Variants in DSCAML1 observed in about 807,000 individuals in gnomAD.
The protein encoded by DSCAML1 is cell adhesion molecule DSCAML1.
A neutral mutation model predicts 200.5 loss-of-function variants in DSCAML1; 38 were observed. The observed-to-expected ratio is 0.19, with a 90% confidence interval of 0.15 to 0.25. The LOEUF is 0.25. Among genes scored for constraint, DSCAML1 ranks in the 10% least tolerant of loss-of-function variants. The pLI is 1.00. For missense variants in DSCAML1, 2,223 were observed against 2,858.8 expected, an observed-to-expected ratio of 0.78 and a Z score of 5.07; for synonymous variants, 1,215 against 1,165.0, an observed-to-expected ratio of 1.04 and a Z score of -0.87.
intron 3 of DSCAML1, among the ~76,000 whole-genome samples, chr11:117,651,714 A>C (rs2052636687): frequency 1.5e-5 from 2 of 133,464 alleles, no homozygotes; most frequent in Admixed American, 7.1e-5. Flanking sequence ...TCTGTCTCAA[A>C]AAAAAAAAAA....
chr11:117,533,089 A>G (rs2137346263), intron 3 of DSCAML1, among the ~76,000 whole-genome samples: 1 of 152,304 alleles, frequency 6.6e-6, no homozygotes, highest in South Asian at 2.1e-4. Context: ...GCAGTGAGCC[A>G]TGATCACACC....
intron 3 of DSCAML1, among the ~76,000 whole-genome samples, chr11:117,574,463 C>A (rs573835816): frequency 4.6e-5 from 7 of 152,330 alleles, no homozygotes; most frequent in Non-Finnish European, 8.8e-5. Context: ...TTCTGCAAAT[C>A]ACCTACTCTC....
At chr11:117,750,124 T>A (rs2137864943) in intron 3 of DSCAML1, among the ~76,000 whole-genome samples, 1 of 152,246 alleles carries the variant, frequency 6.6e-6, no homozygotes, top group South Asian at 2.1e-4. Context: ...TCGGGAAATG[T>A]TGGGTAAAGG....
chr11:117,745,711 T>C (rs1001087938), intron 3 of DSCAML1, among the ~76,000 whole-genome samples: 3 of 152,186 alleles, frequency 2.0e-5, no homozygotes, highest in Non-Finnish European at 4.4e-5. Context: ...CTCGTTATGC[T>C]ACGTCAGCTC....
intron 3 of DSCAML1, among the ~76,000 whole-genome samples, chr11:117,767,979 T>G (rs1029706534): frequency 6.6e-6 from 1 of 152,162 alleles, no homozygotes; most frequent in African/African-American, 2.4e-5. Flanking sequence ...ACTCCTCTTC[T>G]GCCTGCACAA....
chr11:117,544,806 T>C (rs2050340618), intron 3 of DSCAML1, among the ~76,000 whole-genome samples: 1 of 152,162 alleles, frequency 6.6e-6, no homozygotes, highest in South Asian at 2.1e-4. Context: ...TTGGACTGAA[T>C]TGTTTCCCCC....
chr11:117,462,293 G>T (rs985273469), intron 17 of DSCAML1, among the ~76,000 whole-genome samples: 1 of 151,876 alleles, frequency 6.6e-6, no homozygotes, highest in African/African-American at 2.4e-5. Context: ...TCTCCCGCCA[G>T]TCACACTCTC....
In DSCAML1 at chr11:117,566,154, A is replaced by G. The variant is rs1372495684; in HGVS notation, c.512-33632T>C. ...TTATCACCATCATCATCTCTGTTTA[A>G]TAGATGAGGGGACGGAGACCTATAG... is the stretch of plus-strand genomic sequence containing the variant. On this transcript the variant is annotated intron_variant, in intron 3 of 32. Coordinates refer to ENST00000651296, the MANE Select transcript of DSCAML1 (RefSeq NM_020693.4). Among the ~76,000 whole-genome samples, 3 of 152,304 alleles carry G rather than the reference A, an allele frequency of 2.0e-5. No individual in the cohort carries two copies. The East Asian group carries it at 5.8e-4, about 29-fold the overall frequency.
rs2049456274 is a variant in DSCAML1, at chr11:117,504,569, G to T, written c.2182+355C>A. Among the ~76,000 whole-genome samples the T allele has an allele frequency of 6.6e-6, 1 of 152,188 alleles. No individual in the cohort carries two copies. The highest frequency in any genetic ancestry group is 1.5e-5 in the Non-Finnish European group (1 of 68,028). On this transcript the variant is annotated intron_variant, in intron 10 of 32. Coordinates refer to ENST00000651296, the MANE Select transcript of DSCAML1 (RefSeq NM_020693.4). The surrounding 1 kb of genome is among the most constrained non-coding windows in gnomAD (Gnocchi z 5.0). ...CAAGAAGGACCCTGACCCCAGAAAAGGTTGACTGGTGAGAAGCAGGGGGCT... is the reference window on the plus strand; with the variant it reads ...CAAGAAGGACCCTGACCCCAGAAAATGTTGACTGGTGAGAAGCAGGGGGCT...
At chr11:117,467,014 C>T (rs938559440) in intron 16 of DSCAML1, among the ~76,000 whole-genome samples, 5 of 152,104 alleles carry the variant, frequency 3.3e-5, no homozygotes, top group Non-Finnish European at 7.4e-5. Flanking sequence ...GATGGAGGCA[C>T]AGAGATGGCA....
intron 11 of DSCAML1, among the ~76,000 whole-genome samples, chr11:117,493,162 G>C (rs1031235099): frequency 4.6e-5 from 7 of 152,180 alleles, no homozygotes; most frequent in Non-Finnish European, 5.9e-5. Context: ...TGGGGGTCCA[G>C]TTGAGGCCCT....
intron 3 of DSCAML1, among the ~76,000 whole-genome samples, chr11:117,672,026 G>C (rs922508858): frequency 6.7e-6 from 1 of 149,928 alleles, no homozygotes. Context: ...GCGTGAACCC[G>C]GGAGGCGGAG....
In DSCAML1 at chr11:117,620,403, C is replaced by T. The variant is rs150829047; in HGVS notation, c.512-87881G>A. Reference sequence around the variant, plus strand: ...CTCTCTTTCTCTGTCCTCCACACCTCCCCTAAGATTAGATTGGATTCCAGT... The same window carrying T: ...CTCTCTTTCTCTGTCCTCCACACCTTCCCTAAGATTAGATTGGATTCCAGT... On this transcript the variant is annotated intron_variant, in intron 3 of 32. Transcript: ENST00000651296. Among the ~76,000 whole-genome samples, 266 of 152,300 alleles carry T rather than the reference C, an allele frequency of 1.7e-3. 1 individual carries two copies. The highest frequency in any genetic ancestry group is 3.4e-3 in the Middle Eastern group (1 of 294).
At chr11:117,530,001 G>A (rs764581870) in intron 4 of DSCAML1, among the ~76,000 whole-genome samples, 1 of 151,856 alleles carries the variant, frequency 6.6e-6, no homozygotes, top group African/African-American at 2.4e-5. Flanking sequence ...GAGCCCCGTC[G>A]CTCGCTTCCT....
chr11:117,753,348 TCTC>T (rs2054633467), intron 3 of DSCAML1, among the ~76,000 whole-genome samples: 1 of 152,172 alleles, frequency 6.6e-6, no homozygotes, highest in South Asian at 2.1e-4. Flanking sequence ...CCCGCATTCT[TCTC>T]CTCCCTTTGC....
intron 3 of DSCAML1, among the ~76,000 whole-genome samples, chr11:117,644,906 C>T (rs1023393814): frequency 6.6e-6 from 1 of 152,260 alleles, no homozygotes; most frequent in Non-Finnish European, 1.5e-5. Flanking sequence ...CCACGCTGAC[C>T]TCACCTCAAA....
intron 3 of DSCAML1, among the ~76,000 whole-genome samples, chr11:117,543,445 G>C (rs564686202): frequency 3.9e-5 from 6 of 152,042 alleles, no homozygotes; most frequent in Non-Finnish European, 7.4e-5. Flanking sequence ...GTGTGTACCT[G>C]CACTGGCATG....
At chr11:117,712,813 G>A (rs184964535) in intron 3 of DSCAML1, among the ~76,000 whole-genome samples, 7 of 152,136 alleles carry the variant, frequency 4.6e-5, no homozygotes, top group African/African-American at 1.7e-4. Context: ...GCGGCTTTGT[G>A]TCTTCCGCTC....
chr11:117,492,905 G>C (rs780235459), intron 11 of DSCAML1, among the ~76,000 whole-genome samples: 1 of 152,196 alleles, frequency 6.6e-6, no homozygotes, highest in Non-Finnish European at 1.5e-5. Context: ...TCGGCTTCTT[G>C]TCTCTCCTGA....
Sources: gnomAD v4.1 joint callset for allele counts (sites outside exome capture counted in the v4.1 genomes callset) on GRCh38, gnomAD v4.1.1 for gene constraint, Gnocchi (gnomAD v3.1) non-coding constraint, MANE v1.5 for transcripts, NCBI Gene and HGNC (gene_info 2026-07-23, HGNC 2026-07-21) for gene names.